PCDH9: variants seen among roughly 807,000 people sequenced by gnomAD.
PCDH9 encodes protocadherin-9.
A neutral mutation model predicts 70.6 loss-of-function variants in PCDH9; 24 were observed. The ratio of observed to expected loss-of-function variants is 0.34; its 90% confidence interval spans 0.25 to 0.48. The LOEUF (loss-of-function observed/expected upper bound fraction) is 0.48. PCDH9 is among the 20% of genes least tolerant of loss of function. The pLI is 0.99. For synonymous variants in PCDH9, 562 were observed against 558.5 expected, an observed-to-expected ratio of 1.01 and a Z score of -0.09; for missense variants, 1,281 against 1,503.6, an observed-to-expected ratio of 0.85 and a Z score of 2.45.
At chr13:67,095,138 C>T (rs2086294483) in intron 2 of PCDH9, among the ~76,000 whole-genome samples, 1 of 152,014 alleles carries the variant, frequency 6.6e-6, no homozygotes. Context: ...ATGAATAGCA[C>T]AGAAGTAGGC....
intron 2 of PCDH9, chr13:67,216,925 G>A (rs1260101716): frequency 1.3e-5 from 2 of 151,372 alleles, no homozygotes; most frequent in Admixed American, 6.6e-5. Context: ...TGTGAAAATC[G>A]GTTCAATGAC....
chr13:66,963,345 G>A (rs912729076), intron 2 of PCDH9, among the ~76,000 whole-genome samples: 1 of 152,146 alleles, frequency 6.6e-6, no homozygotes, highest in Admixed American at 6.5e-5. Context: ...TTGGATTATT[G>A]TACTATGAAG....
intron 4 of PCDH9, among the ~76,000 whole-genome samples, chr13:66,533,338 C>A (rs1427130731): frequency 6.6e-6 from 1 of 151,886 alleles, no homozygotes; most frequent in Non-Finnish European, 1.5e-5. Flanking sequence ...CTTTTCTAGT[C>A]TCTCATATTA....
At chr13:66,898,551 C>T (rs542888151) in intron 3 of PCDH9, among the ~76,000 whole-genome samples, 1 of 151,948 alleles carries the variant, frequency 6.6e-6, no homozygotes, top group African/African-American at 2.4e-5. Flanking sequence ...TGTAAATATA[C>T]TTGGGTAATA....
intron 2 of PCDH9, among the ~76,000 whole-genome samples, chr13:67,045,488 T>A (rs2085205879): frequency 6.6e-6 from 1 of 152,020 alleles, no homozygotes; most frequent in Non-Finnish European, 1.5e-5. Context: ...CACCTCTCAT[T>A]TCCACTTTAG....
At chr13:66,334,355 G>T (rs1982304) in intron 4 of PCDH9, among the ~76,000 whole-genome samples, 2,854 of 152,162 alleles carry the variant, frequency 0.019, 94 homozygotes, top group African/African-American at 0.065. Context: ...CAAATGACAG[G>T]ATTTCATTCT....
At chr13:66,827,771 C>A (rs928047985) in intron 3 of PCDH9, among the ~76,000 whole-genome samples, 1 of 152,074 alleles carries the variant, frequency 6.6e-6, no homozygotes, top group Non-Finnish European at 1.5e-5. Flanking sequence ...AGTGGAGTCA[C>A]TTTAAATGTC....
intron 4 of PCDH9, among the ~76,000 whole-genome samples, chr13:66,563,299 G>C (rs371477129): frequency 6.6e-6 from 1 of 152,002 alleles, no homozygotes; most frequent in Admixed American, 6.6e-5. Context: ...GTCCTTTTCC[G>C]TTTGCTCCCA....
chr13:67,152,279 C>A (rs1033534792), intron 2 of PCDH9, among the ~76,000 whole-genome samples: 6 of 152,182 alleles, frequency 3.9e-5, no homozygotes, highest in African/African-American at 1.4e-4. Context: ...ATGCCTGATA[C>A]AATTTAGTTC....
intron 2 of PCDH9, among the ~76,000 whole-genome samples, chr13:67,043,773 TA>T (rs2085168745): frequency 6.6e-6 from 1 of 152,162 alleles, no homozygotes; most frequent in African/African-American, 2.4e-5. Context: ...ATCAGAAATT[TA>T]CTAACTTTTG....
chr13:66,631,457 T>C (rs754993871), intron 3 of PCDH9, 46 bp from the exon 4 acceptor site: 3 of 1,125,366 alleles, frequency 2.7e-6, no homozygotes, highest in Non-Finnish European at 4.0e-6. Flanking sequence ...TCCTCTCAAA[T>C]AAAACAGGCC....
chr13:67,197,470 G>A (rs181489901), intron 2 of PCDH9, among the ~76,000 whole-genome samples: 20 of 152,040 alleles, frequency 1.3e-4, no homozygotes, highest in Non-Finnish European at 2.8e-4. Context: ...TTTATTAAGA[G>A]TTGCATTGAG....
chr13:66,779,849 C>CTCTCTCTCTATA (rs1395244975), intron 3 of PCDH9, among the ~76,000 whole-genome samples: 40 of 78,896 alleles, frequency 5.1e-4, no homozygotes, highest in African/African-American at 1.5e-3. Context: ...CTCTCTCTCT[C>CTCTCTCTCTATA]TATATATATA....
At chr13:66,840,051 T>C (rs2081089645) in intron 3 of PCDH9, among the ~76,000 whole-genome samples, 1 of 152,170 alleles carries the variant, frequency 6.6e-6, no homozygotes, top group Admixed American at 6.6e-5. Context: ...TTGTTGGCCA[T>C]TCCTAGGATG....
At chr13:66,489,630 T>C (rs1427808639) in intron 4 of PCDH9, among the ~76,000 whole-genome samples, 3 of 152,124 alleles carry the variant, frequency 2.0e-5, no homozygotes, top group Non-Finnish European at 4.4e-5. Flanking sequence ...ATTATTAGTA[T>C]ACAACTACAT....
At chr13:67,127,784 G>T (rs117717269) in intron 2 of PCDH9, among the ~76,000 whole-genome samples, 23 of 150,172 alleles carry the variant, frequency 1.5e-4, no homozygotes, top group Non-Finnish European at 3.0e-4. Context: ...CACTAGTGTG[G>T]ATACCAGCAA....
chr13:66,966,761 T>C (rs766325479), intron 2 of PCDH9, among the ~76,000 whole-genome samples: 3 of 152,040 alleles, frequency 2.0e-5, no homozygotes, highest in Admixed American at 6.6e-5. Context: ...ACAGTGTTCA[T>C]AGTTGCAGTG....
chr13:67,062,783 T>C (rs1313135660), intron 2 of PCDH9, among the ~76,000 whole-genome samples: 1 of 152,172 alleles, frequency 6.6e-6, no homozygotes, highest in Non-Finnish European at 1.5e-5. Context: ...TAGCAAAACA[T>C]GCTTTAGTTT....
chr13:66,369,258 C>T (rs1306645320), intron 4 of PCDH9, among the ~76,000 whole-genome samples: 1 of 152,074 alleles, frequency 6.6e-6, no homozygotes, highest in African/African-American at 2.4e-5. Flanking sequence ...TAAACTTGTG[C>T]ACTATACTTG....
Sources: gnomAD v4.1 joint callset for allele counts (sites outside exome capture counted in the v4.1 genomes callset) on GRCh38, gnomAD v4.1.1 for gene constraint, MANE v1.5 for transcripts, NCBI Gene and HGNC (gene_info 2026-07-23, HGNC 2026-07-21) for gene names.